HDGFL3: variants seen among roughly 807,000 people sequenced by gnomAD.
HDGFL3 encodes HDGF like 3.
HDGFL3 carries 6 observed loss-of-function variants against 27.6 expected under a neutral mutation model. The observed-to-expected ratio is 0.22, with a 90% CI of 0.12 to 0.43. The LOEUF (loss-of-function observed/expected upper bound fraction) is 0.43, where lower values mean the gene tolerates loss of function less well. Among genes scored for constraint, HDGFL3 ranks in the 20% least tolerant of loss-of-function variants. HDGFL3 has a pLI of 1.00. For missense variants in HDGFL3, 207 were observed against 250.1 expected (o/e 0.83, Z 1.16); for synonymous variants, 88 against 88.9 (o/e 0.99, Z 0.05).
chr15:83,185,026 TA>T (rs1317577036), intron 1 of HDGFL3: 1 of 152,240 alleles, frequency 6.6e-6, no homozygotes, highest in Non-Finnish European at 1.5e-5. Context: ...ACCCTTTTTT[TA>T]AATTTTTATT....
chr15:83,168,652 C>CA (rs36004001), intron 1 of HDGFL3, among the ~76,000 whole-genome samples: 1 of 152,036 alleles, frequency 6.6e-6, no homozygotes, highest in Non-Finnish European at 1.5e-5. Context: ...AAACCTACCC[C>CA]AAAAAAGTCT....
intron 5 of HDGFL3, chr15:83,144,919 G>A (rs1475717175): frequency 9.7e-5 from 18 of 184,826 alleles, no homozygotes; most frequent in Admixed American, 9.7e-4. Context: ...AGTGCATGGT[G>A]TCCTCCTGGC....
At position 83,161,078 on chromosome 15, in the gene HDGFL3, G is replaced by A. The variant is rs369711671; in HGVS notation, c.161+2921C>T. ...GTGTATGGCAACTTCACTTTTAGAA[G>A]AATTTGTCGTGAATTATTAGACTCT... On this transcript the variant is annotated intron_variant, in intron 2 of 5. Coordinates refer to ENST00000299633, the MANE Select transcript of HDGFL3 (RefSeq NM_016073.4). Among the ~76,000 whole-genome samples, 8 of 152,156 alleles carry A rather than the reference G, an allele frequency of 5.3e-5. No homozygotes were observed. In the East Asian group the frequency reaches 1.2e-3, roughly 22 times the overall value.
intron 1 of HDGFL3, chr15:83,185,791 A>C (rs1181399518): frequency 6.6e-6 from 1 of 152,210 alleles, no homozygotes; most frequent in Non-Finnish European, 1.5e-5. Context: ...CCTGTCCTTG[A>C]GTATGTGCTG....
chr15:83,125,797 G>T (rs1486506914), downstream of HDGFL3, among the ~76,000 whole-genome samples: 1 of 152,234 alleles, frequency 6.6e-6, no homozygotes, highest in Non-Finnish European at 1.5e-5. Context: ...CTGGGGGCCT[G>T]TGCAGCAGGC....
intron 2 of HDGFL3, among the ~76,000 whole-genome samples, chr15:83,159,444 A>G (rs1008022779): frequency 2.0e-5 from 3 of 152,234 alleles, no homozygotes; most frequent in Non-Finnish European, 2.9e-5. Context: ...GCACTATTCC[A>G]GAGGAGCTAC....
intron 3 of HDGFL3, among the ~76,000 whole-genome samples, chr15:83,117,374 G>A (rs189737599): frequency 1.2e-4 from 19 of 152,264 alleles, no homozygotes; most frequent in Non-Finnish European, 2.2e-4. Flanking sequence ...ACGGGCCATC[G>A]GAGTGCAGTT....
chr15:83,120,020 T>C (rs1276202625), intron 3 of HDGFL3: 1 of 242,952 alleles, frequency 4.1e-6, no homozygotes, highest in Non-Finnish European at 8.2e-6. Flanking sequence ...GCAATCTCAT[T>C]TCGGTTCAAA....
exon 4 of HDGFL3, chr15:83,115,547 G>A: frequency 3.9e-6 from 2 of 513,948 alleles, no homozygotes; most frequent in Admixed American, 4.8e-5. Context: ...AGTGGAGGAT[G>A]GGTGGAGTTG....
chr15:83,127,306 GGCCA>G (rs1390532820), downstream of HDGFL3: 312 of 1,522,908 alleles, frequency 2.0e-4, no homozygotes, highest in Non-Finnish European at 1.3e-5. Context: ...TTTTTAGTCA[GGCCA>G]AGTTAACTGC....
intron 1 of HDGFL3, among the ~76,000 whole-genome samples, chr15:83,166,851 A>T (rs887777229): frequency 2.0e-5 from 3 of 152,206 alleles, no homozygotes; most frequent in Non-Finnish European, 4.4e-5. Context: ...CACTATCACA[A>T]GAACAGCAAA....
At chr15:83,172,169 C>G (rs1265597634) in intron 1 of HDGFL3, among the ~76,000 whole-genome samples, 3 of 152,146 alleles carry the variant, frequency 2.0e-5, no homozygotes, top group Non-Finnish European at 2.9e-5. Flanking sequence ...GAGGGCTTCT[C>G]TGTCATGAAT....
intron 3 of HDGFL3, chr15:83,115,840 T>G (rs1224233570): frequency 6.2e-7 from 1 of 1,609,072 alleles, no homozygotes. Context: ...CTTTCTTTGC[T>G]CTAGTGTATG....
intron 5 of HDGFL3, among the ~76,000 whole-genome samples, chr15:83,144,238 C>G (rs561377940): frequency 6.6e-5 from 10 of 152,254 alleles, no homozygotes; most frequent in African/African-American, 9.6e-5. Context: ...GTGTGGAGAA[C>G]CTGAATGGTG....
intron 1 of HDGFL3, among the ~76,000 whole-genome samples, chr15:83,187,758 C>T (rs1055921557): frequency 6.6e-6 from 1 of 152,070 alleles, no homozygotes; most frequent in African/African-American, 2.4e-5. Context: ...CATGGTGGCA[C>T]ATGCCTGTAA....
At chr15:83,183,343 T>C (rs2037402221) in intron 1 of HDGFL3, among the ~76,000 whole-genome samples, 1 of 152,072 alleles carries the variant, frequency 6.6e-6, no homozygotes, top group African/African-American at 2.4e-5. Flanking sequence ...AAAACAAAAA[T>C]CGTAGAGTGA....
Position 83,137,172 on chromosome 15 carries a change from A to T in HDGFL3, c.*2098T>A, listed in dbSNP as rs528935345. On this transcript the variant is annotated 3_prime_UTR_variant, in exon 6 of 6. Coordinates refer to ENST00000299633, the MANE Select transcript of HDGFL3 (RefSeq NM_016073.4). ...TTGTTTGAAAAATGTTTTCCCAAGG[A>T]AAGTTTATTATTTGCTGCTGTTTCA... The T allele has an allele frequency of 1.3e-5, 2 of 152,226 alleles. No individual in the cohort carries two copies. The highest frequency in any genetic ancestry group is 2.9e-5 in the Non-Finnish European group (2 of 68,036). The allele number at this position is 152,226 out of a possible 1,614,324, so 9.4% of individuals were successfully genotyped here.
intron 1 of HDGFL3, among the ~76,000 whole-genome samples, chr15:83,166,555 G>T (rs1239273067): frequency 2.0e-5 from 3 of 152,140 alleles, no homozygotes; most frequent in Admixed American, 6.5e-5. Context: ...CCACACAATA[G>T]AAAGTACAAA....
chr15:83,157,807 G>C, intron 3 of HDGFL3, 96 bp downstream of exon 3: 1 of 1,170,148 alleles, frequency 8.5e-7, no homozygotes, highest in Admixed American at 2.2e-5. Flanking sequence ...TGACTTCAAG[G>C]TAACTATTAG....
Sources: allele counts gnomAD v4.1 joint callset (sites outside exome capture counted in the v4.1 genomes callset), GRCh38; gene constraint gnomAD v4.1.1; transcripts MANE v1.5; gene names NCBI Gene and HGNC (gene_info 2026-07-23, HGNC 2026-07-21).